The following MIPOL1 variants were observed in gnomAD, a reference collection of about 807,000 sequenced individuals.
The protein encoded by MIPOL1 is mirror-image polydactyly gene 1 protein.
A neutral mutation model predicts 60.9 loss-of-function variants in MIPOL1; 57 were observed. The ratio of observed to expected loss-of-function variants is 0.94; its 90% CI spans 0.76 to 1.17. The LOEUF (loss-of-function observed/expected upper bound fraction) is 1.17. MIPOL1 is among the 50% of genes most tolerant of loss of function. The pLI is 0.00. For missense variants in MIPOL1, 551 were observed against 511.6 expected (o/e 1.08, Z -0.74); for synonymous variants, 179 against 168.8 (o/e 1.06, Z -0.47).
intron 4 of MIPOL1, 61 bp downstream of exon 4, chr14:37,267,230 G>A (rs1223310106): frequency 4.6e-6 from 6 of 1,296,136 alleles, no homozygotes; most frequent in Non-Finnish European, 6.6e-6. Flanking sequence ...GCTCATGCCT[G>A]TAATCTCAGC....
chr14:37,229,849 A>G (rs372749323), intron 1 of MIPOL1, among the ~76,000 whole-genome samples: 1 of 152,324 alleles, frequency 6.6e-6, no homozygotes, highest in South Asian at 2.1e-4. Context: ...GGTCTCATTT[A>G]TATGTAGAAT....
intron 12 of MIPOL1, among the ~76,000 whole-genome samples, chr14:37,516,739 GTTAC>G (rs2153628327): frequency 6.6e-6 from 1 of 152,178 alleles, no homozygotes; most frequent in South Asian, 2.1e-4. Context: ...TGTTTAATCT[GTTAC>G]TTATTTTACA....
intron 10 of MIPOL1, among the ~76,000 whole-genome samples, chr14:37,396,688 A>C (rs1389075663): frequency 6.6e-6 from 1 of 151,740 alleles, no homozygotes; most frequent in Non-Finnish European, 1.5e-5. Context: ...CTTTTTTCTT[A>C]GTCTTTGTTG....
intron 7 of MIPOL1, among the ~76,000 whole-genome samples, chr14:37,293,530 G>T (rs993427823): frequency 2.6e-5 from 4 of 152,188 alleles, no homozygotes; most frequent in East Asian, 1.9e-4. Flanking sequence ...CCCGGGAAGC[G>T]CAAGGGGTCA....
chr14:37,296,360 C>T (rs967698402), intron 7 of MIPOL1, among the ~76,000 whole-genome samples: 1 of 152,052 alleles, frequency 6.6e-6, no homozygotes, highest in Admixed American at 6.5e-5. Flanking sequence ...CAGGAAAGAT[C>T]TAAAATTGAC....
At chr14:37,384,385 G>A (rs1204160768) in intron 10 of MIPOL1, among the ~76,000 whole-genome samples, 1 of 151,594 alleles carries the variant, frequency 6.6e-6, no homozygotes, top group Non-Finnish European at 1.5e-5. Flanking sequence ...GAAATTTTGG[G>A]AAAAATATAG....
At chr14:37,363,672 A>G (rs2092366470) in intron 9 of MIPOL1, among the ~76,000 whole-genome samples, 1 of 152,206 alleles carries the variant, frequency 6.6e-6, no homozygotes, top group Non-Finnish European at 1.5e-5. Flanking sequence ...CAGAGCTATC[A>G]GACAGGGACA....
chr14:37,394,084 ATC>A (rs1555329418), intron 10 of MIPOL1, among the ~76,000 whole-genome samples: 4 of 134,674 alleles, frequency 3.0e-5, no homozygotes, highest in African/African-American at 1.1e-4. Flanking sequence ...ATATATATAT[ATC>A]TCCATGTTCT....
chr14:37,372,754 C>CAAAA (rs34884132), intron 10 of MIPOL1, among the ~76,000 whole-genome samples: 3 of 131,986 alleles, frequency 2.3e-5, no homozygotes, highest in African/African-American at 8.5e-5. Flanking sequence ...GACTCCGTCT[C>CAAAA]AAAAAAAAAA....
intron 3 of MIPOL1, among the ~76,000 whole-genome samples, chr14:37,251,285 C>G (rs751686874): frequency 6.6e-6 from 1 of 151,818 alleles, no homozygotes; most frequent in African/African-American, 2.4e-5. Flanking sequence ...CCAGGCTGTT[C>G]CCAAACTCCT....
chr14:37,388,110 A>C (rs2093126411), intron 10 of MIPOL1, among the ~76,000 whole-genome samples: 1 of 151,984 alleles, frequency 6.6e-6, no homozygotes, highest in Admixed American at 6.6e-5. Context: ...ATTCCTAAAC[A>C]ATATAAGAGC....
chr14:37,273,684 C>G (rs559673112), intron 6 of MIPOL1, among the ~76,000 whole-genome samples: 3 of 151,332 alleles, frequency 2.0e-5, no homozygotes, highest in Admixed American at 6.6e-5. Flanking sequence ...TTGGGAAGAC[C>G]AAAATCCTTA....
intron 11 of MIPOL1, among the ~76,000 whole-genome samples, chr14:37,451,208 ATCT>A (rs765950734): frequency 1.3e-5 from 2 of 152,160 alleles, no homozygotes; most frequent in Non-Finnish European, 2.9e-5. Flanking sequence ...GTACAAGTTA[ATCT>A]TCTTCCTTGT....
intron 11 of MIPOL1, among the ~76,000 whole-genome samples, chr14:37,469,569 T>C (rs1038892944): frequency 1.3e-5 from 2 of 152,164 alleles, no homozygotes; most frequent in Non-Finnish European, 2.9e-5. Context: ...GCGGTCACTC[T>C]AAATTAAGAT....
intron 9 of MIPOL1, among the ~76,000 whole-genome samples, chr14:37,339,705 ATACAT>A (rs2090433462): frequency 6.6e-6 from 1 of 152,218 alleles, no homozygotes; most frequent in Admixed American, 6.5e-5. Context: ...TGAATCTGTA[ATACAT>A]ATGTTGAATT....
At chr14:37,466,454 T>G (rs944940368) in intron 11 of MIPOL1, among the ~76,000 whole-genome samples, 1 of 152,200 alleles carries the variant, frequency 6.6e-6, no homozygotes, top group East Asian at 1.9e-4. Flanking sequence ...TAAGAATCCT[T>G]TAACATATCA....
At chr14:37,298,574 G>C (rs1480449971) in intron 7 of MIPOL1, among the ~76,000 whole-genome samples, 1 of 152,064 alleles carries the variant, frequency 6.6e-6, no homozygotes, top group Admixed American at 6.6e-5. Flanking sequence ...CTAATATCCA[G>C]AATCTACAAT....
intron 3 of MIPOL1, among the ~76,000 whole-genome samples, chr14:37,266,107 T>C (rs976266211): frequency 3.3e-5 from 5 of 152,126 alleles, no homozygotes; most frequent in Non-Finnish European, 5.9e-5. Flanking sequence ...AGAGTCTTCT[T>C]ATTAGGAAGC....
intron 9 of MIPOL1, among the ~76,000 whole-genome samples, chr14:37,368,626 T>C (rs1384663708): frequency 6.6e-6 from 1 of 152,008 alleles, no homozygotes; most frequent in Non-Finnish European, 1.5e-5. Context: ...TAAGGAATGG[T>C]TTTTAATGTT....
Sources: allele counts gnomAD v4.1 joint callset (sites outside exome capture counted in the v4.1 genomes callset), GRCh38; gene constraint gnomAD v4.1.1; transcripts MANE v1.5; gene names NCBI Gene and HGNC (gene_info 2026-07-23, HGNC 2026-07-21).